Variants in LUC7L2 observed in about 807,000 individuals in gnomAD.
LUC7L2 encodes the protein LUC7 like 2, pre-mRNA splicing factor.
LUC7L2 carries 25 observed loss-of-function variants against 52.8 expected under a neutral mutation model. The observed-to-expected ratio is 0.47, with a 90% CI of 0.34 to 0.66. The LOEUF is 0.66. Among genes scored for constraint, LUC7L2 ranks in the 30% least tolerant of loss-of-function variants. LUC7L2 has a pLI of 0.01. For synonymous variants in LUC7L2, 144 were observed against 160.9 expected, an observed-to-expected ratio of 0.89 and a Z score of 0.80; for missense variants, 328 against 497.8, an observed-to-expected ratio of 0.66 and a Z score of 3.25.
intron 2 of LUC7L2, among the ~76,000 whole-genome samples, chr7:139,394,888 A>G (rs544014656): frequency 6.6e-6 from 1 of 152,362 alleles, no homozygotes; most frequent in Admixed American, 6.5e-5. Context: ...GAATGGGACT[A>G]AAACTAGATC....
intron 2 of LUC7L2, among the ~76,000 whole-genome samples, chr7:139,397,616 G>A (rs1340704983): frequency 4.6e-5 from 7 of 152,104 alleles, no homozygotes; most frequent in African/African-American, 1.2e-4. Context: ...GAAAATCTCC[G>A]CCTTGCTTTC....
At chr7:139,382,406 A>G (rs1328923521) in intron 2 of LUC7L2, among the ~76,000 whole-genome samples, 2 of 146,164 alleles carry the variant, frequency 1.4e-5, no homozygotes, top group South Asian at 2.1e-4. Flanking sequence ...ATTTTTTGAG[A>G]CAGTCTCTCC....
chr7:139,363,065 A>G (rs1184628667), intron 1 of LUC7L2: 1 of 190,382 alleles, frequency 5.3e-6, no homozygotes, highest in Non-Finnish European at 9.7e-6. Context: ...TGAGGGCAGC[A>G]TGATGGTGCC....
At chr7:139,369,982 G>A (rs1800358990) in intron 1 of LUC7L2, among the ~76,000 whole-genome samples, 1 of 152,180 alleles carries the variant, frequency 6.6e-6, no homozygotes, top group African/African-American at 2.4e-5. Context: ...ACATTTGGAA[G>A]GCAGACTGTC....
At position 139,368,989 on chromosome 7, in the gene LUC7L2, CT is replaced by C. The variant is rs995436271; in HGVS notation, c.62-7064del. Among the ~76,000 whole-genome samples, 6 of 151,292 alleles carry C rather than the reference CT, an allele frequency of 4.0e-5. No individual in the cohort carries two copies. The South Asian group carries it at 1.0e-3, about 26-fold the overall frequency. Reference sequence around the variant, plus strand: ...CACCTCTGTCCCTTGATATTTTCATCTTTTTTTTTCTTTTTTATTTCTTTTC... The same window carrying C: ...CACCTCTGTCCCTTGATATTTTCATCTTTTTTTTCTTTTTTATTTCTTTTC... On this transcript the variant is annotated intron_variant, in intron 1 of 9. Coordinates refer to ENST00000354926, the MANE Select transcript of LUC7L2 (RefSeq NM_016019.5).
chr7:139,375,553 G>T (rs1398504362), intron 1 of LUC7L2: 6 of 985,472 alleles, frequency 6.1e-6, no homozygotes, highest in Non-Finnish European at 7.2e-6. Context: ...GGAAGAAATG[G>T]CGTCTGGGGT....
intron 2 of LUC7L2, among the ~76,000 whole-genome samples, chr7:139,387,646 C>T (rs530427645): frequency 7.2e-4 from 110 of 152,288 alleles, no homozygotes; most frequent in Non-Finnish European, 1.3e-3. Flanking sequence ...TTTGTTCCTA[C>T]GCAAAACTTG....
At position 139,341,187 on chromosome 7, in the gene LUC7L2, G is replaced by A. The variant is rs1270500560; in HGVS notation, c.-26+670G>A. 8 of 938,104 alleles carry A rather than the reference G, an allele frequency of 8.5e-6. No individual in the cohort carries two copies. The Admixed American group carries it at 9.7e-5, about 11-fold the overall frequency. 58.1% of individuals were successfully genotyped at this position (938,104 alleles called of 1,614,324 possible). On this transcript the variant is annotated intron_variant, in intron 1 of 10. Coordinates refer to the LUC7L2 transcript ENST00000541170. Reference sequence around the variant, plus strand: ...TACCTTCAGTTAACAGTCGGGTTTCGTTTGATTTTGTTACGGCGCCCCTGG... The same window carrying A: ...TACCTTCAGTTAACAGTCGGGTTTCATTTGATTTTGTTACGGCGCCCCTGG...
intron 8 of LUC7L2, among the ~76,000 whole-genome samples, chr7:139,415,773 G>T (rs1212231595): frequency 6.6e-6 from 1 of 151,742 alleles, no homozygotes; most frequent in East Asian, 1.9e-4. Context: ...CAAGTGCTGG[G>T]ATTACAGACA....
In LUC7L2 at chr7:139,409,736, G is replaced by A. The variant is rs558030260; in HGVS notation, c.779+82G>A. ...TATAATTGATTTTAAATTTTAGATG[G>A]TGATAAATCTGTTATGGGACGTGGG... On this transcript the variant is annotated intron_variant, in intron 7 of 9. Transcript: ENST00000354926. The A allele has an allele frequency of 5.1e-4, 743 of 1,447,780 alleles. 1 individual carries two copies. The highest frequency in any genetic ancestry group is 6.5e-4 in the Non-Finnish European group (710 of 1,098,948). The allele number at this position is 1,447,780 out of a possible 1,614,324, so 89.7% of individuals were successfully genotyped here.
intron 2 of LUC7L2, among the ~76,000 whole-genome samples, chr7:139,395,885 T>G (rs1794640213): frequency 6.6e-6 from 1 of 152,162 alleles, no homozygotes; most frequent in East Asian, 1.9e-4. Flanking sequence ...TGGGCTTAAG[T>G]GATCCTCCCA....
rs1169793101 is a variant in LUC7L2 at position 139,363,976 on chromosome 7, C to CTTTTTTTTTTTT, written c.61+3670_61+3681dup. Among the ~76,000 whole-genome samples the CTTTTTTTTTTTT allele has an allele frequency of 6.1e-3, 585 of 96,076 alleles. 45 individuals carry two copies. The highest frequency in any genetic ancestry group is 0.02 in the African/African-American group (338 of 17,250). 63.0% of individuals were successfully genotyped at this position (96,076 alleles called of 152,430 possible). The stretch of plus-strand genomic sequence containing the variant: ...TGAGGGTGTGGATTTAGATTACATC[C>CTTTTTTTTTTTT]TTTTTTTTTTTTTTTTTTTTTTTTT... On this transcript the variant is annotated intron_variant, in intron 1 of 9. Coordinates refer to ENST00000354926, the MANE Select transcript of LUC7L2 (RefSeq NM_016019.5).
At chr7:139,392,614 A>T (rs1274126317) in intron 2 of LUC7L2, 1 of 191,414 alleles carries the variant, frequency 5.2e-6, no homozygotes. Context: ...AAATATTAAA[A>T]ACCAAGAATA....
intron 8 of LUC7L2, among the ~76,000 whole-genome samples, chr7:139,413,846 T>TA (rs1237653711): frequency 1.3e-5 from 2 of 152,092 alleles, no homozygotes; most frequent in African/African-American, 2.4e-5. Flanking sequence ...CCTAAAACAC[T>TA]AAAAAAACTA....
upstream of LUC7L2, among the ~76,000 whole-genome samples, chr7:139,356,171 G>A (rs1160053295): frequency 6.6e-6 from 1 of 151,836 alleles, no homozygotes; most frequent in East Asian, 1.9e-4. Flanking sequence ...TTAGCTCAGT[G>A]TGGTGGTGCA....
chr7:139,397,810 G>A (rs980551876), intron 2 of LUC7L2, among the ~76,000 whole-genome samples: 9 of 152,024 alleles, frequency 5.9e-5, no homozygotes, highest in African/African-American at 1.7e-4. Flanking sequence ...ACACCTAATT[G>A]GAATTTCCAA....
chr7:139,345,726 G>T (rs1468956996), intron 1 of LUC7L2: 2 of 1,607,200 alleles, frequency 1.2e-6, no homozygotes. Context: ...ATCCTTGGAT[G>T]CTGCATTCAT....
intron 1 of LUC7L2, among the ~76,000 whole-genome samples, chr7:139,350,957 A>AG (rs1799440830): frequency 1.3e-5 from 2 of 152,280 alleles, no homozygotes; most frequent in South Asian, 4.1e-4. Flanking sequence ...TACAGGTGTG[A>AG]GCCACTGCGC....
intron 9 of LUC7L2, among the ~76,000 whole-genome samples, chr7:139,421,020 T>TGA (rs1795881020): frequency 6.6e-6 from 1 of 152,054 alleles, no homozygotes; most frequent in African/African-American, 2.4e-5. Context: ...AGGCTGGTCT[T>TGA]GAACTCCTGA....
Sources: gnomAD v4.1 joint callset for allele counts (sites outside exome capture counted in the v4.1 genomes callset) on GRCh38, gnomAD v4.1.1 for gene constraint, MANE v1.5 for transcripts, NCBI Gene and HGNC (gene_info 2026-07-23, HGNC 2026-07-21) for gene names.